The following UPP2 variants were observed in gnomAD, a reference collection of about 807,000 sequenced individuals.
The protein encoded by UPP2 is uridine phosphorylase 2, also known as UPase 2.
A neutral mutation model predicts 26.7 loss-of-function variants in UPP2; 23 were observed. That is an observed-to-expected ratio of 0.86 (90% confidence interval 0.62 to 1.22). The LOEUF (loss-of-function observed/expected upper bound fraction) is 1.22. Ranked by LOEUF, UPP2 falls within the 50% of genes most tolerant of loss-of-function variation. The probability of loss-of-function intolerance (pLI) is 0.00; values close to 1 mark genes in which losing one functional copy is unlikely to be tolerated. For synonymous variants in UPP2, 127 were observed against 141.3 expected, an observed-to-expected ratio of 0.90 and a Z score of 0.72; for missense variants, 387 against 396.7, an observed-to-expected ratio of 0.98 and a Z score of 0.21.
intron 6 of UPP2, among the ~76,000 whole-genome samples, chr2:158,133,217 A>T (rs1396237975): frequency 6.6e-6 from 1 of 152,252 alleles, no homozygotes; most frequent in Non-Finnish European, 1.5e-5. Flanking sequence ...CTCATTTGCA[A>T]CAACATGGAT....
At chr2:158,018,705 T>G (rs935451265) in intron 3 of UPP2, among the ~76,000 whole-genome samples, 4 of 152,200 alleles carry the variant, frequency 2.6e-5, no homozygotes, top group Non-Finnish European at 5.9e-5. Flanking sequence ...CTAGGTAAAC[T>G]TTTAGTGGGA....
chr2:158,042,715 G>T (rs1349603650), intron 3 of UPP2, among the ~76,000 whole-genome samples: 1 of 152,182 alleles, frequency 6.6e-6, no homozygotes, highest in Non-Finnish European at 1.5e-5. Context: ...AGAGAGGAAG[G>T]CCTTTTTGAA....
intron 3 of UPP2, among the ~76,000 whole-genome samples, chr2:158,033,721 A>G (rs1164620500): frequency 6.6e-6 from 1 of 152,204 alleles, no homozygotes; most frequent in Non-Finnish European, 1.5e-5. Flanking sequence ...CACTTTTCCA[A>G]GTAGTTTCTG....
At chr2:158,008,479 A>C (rs1299948462) in intron 2 of UPP2, among the ~76,000 whole-genome samples, 1 of 152,216 alleles carries the variant, frequency 6.6e-6, no homozygotes, top group Non-Finnish European at 1.5e-5. Context: ...GACTTAGGCT[A>C]ACCTTGGAAT....
intron 3 of UPP2, among the ~76,000 whole-genome samples, chr2:158,076,644 A>C (rs1682634859): frequency 6.6e-6 from 1 of 152,092 alleles, no homozygotes; most frequent in Admixed American, 6.6e-5. Context: ...AATTCTCAAA[A>C]AACTGGGTAT....
chr2:158,110,364 A>G (rs1345667115), intron 2 of UPP2, among the ~76,000 whole-genome samples: 1 of 152,024 alleles, frequency 6.6e-6, no homozygotes, highest in East Asian at 1.9e-4. Context: ...ATAGTATTCC[A>G]TGGTGTATTT....
rs147174813 is a variant in UPP2 at position 158,089,486 on chromosome 2, G to A, written c.148-12554G>A. ...GTTTCTGTGCTGTGTCTGCACTCCC[G>A]ATTCAACCACCCCCGACCCCAACTT... On this transcript the variant is annotated intron_variant, in intron 3 of 9. Coordinates refer to the UPP2 transcript ENST00000605860. 5.7e-3 allele frequency among the ~76,000 whole-genome samples: 875 copies of A among 152,286 alleles called. 8 individuals carry two copies. Among genetic ancestry groups the A allele is most frequent in the African/African-American group, 0.02 (835 of 41,566 alleles).
intron 3 of UPP2, among the ~76,000 whole-genome samples, chr2:158,063,318 T>C (rs1476473862): frequency 6.6e-6 from 1 of 152,228 alleles, no homozygotes; most frequent in Non-Finnish European, 1.5e-5. Context: ...AGGAATTCTA[T>C]TTGATTCATT....
At chr2:158,043,775 T>C (rs981149913) in intron 3 of UPP2, among the ~76,000 whole-genome samples, 4 of 152,148 alleles carry the variant, frequency 2.6e-5, no homozygotes, top group African/African-American at 9.7e-5. Context: ...ACACTTGAAA[T>C]TGGAAGCAGT....
intron 6 of UPP2, among the ~76,000 whole-genome samples, chr2:158,128,833 G>T (rs1356382250): frequency 6.6e-6 from 1 of 151,138 alleles, no homozygotes; most frequent in Admixed American, 6.6e-5. Context: ...AACCCTAAGG[G>T]CTGAGCACAT....
intron 3 of UPP2, among the ~76,000 whole-genome samples, chr2:158,054,488 G>A (rs1466593608): frequency 6.6e-6 from 1 of 151,142 alleles, no homozygotes; most frequent in African/African-American, 2.4e-5. Flanking sequence ...CATGGGCTTT[G>A]CATATTGAAA....
intron 2 of UPP2, among the ~76,000 whole-genome samples, chr2:157,996,248 T>C (rs1683322783): frequency 1.3e-5 from 2 of 152,216 alleles, no homozygotes; most frequent in African/African-American, 2.4e-5. Context: ...GCTTTGGCTA[T>C]ATCTTAGCTT....
At chr2:158,021,022 A>C (rs1194174589) in intron 3 of UPP2, among the ~76,000 whole-genome samples, 1 of 152,220 alleles carries the variant, frequency 6.6e-6, no homozygotes, top group Non-Finnish European at 1.5e-5. Flanking sequence ...GGATGGTCTC[A>C]GCCTTTATTG....
chr2:158,018,944 TATAGAC>T (rs1390119777), intron 3 of UPP2, among the ~76,000 whole-genome samples: 3 of 152,086 alleles, frequency 2.0e-5, no homozygotes, highest in African/African-American at 7.2e-5. Context: ...TGAGGGAACT[TATAGAC>T]AGAAGCATGG....
intron 2 of UPP2, among the ~76,000 whole-genome samples, chr2:157,995,660 A>G (rs1683313945): frequency 6.6e-6 from 1 of 152,162 alleles, no homozygotes; most frequent in East Asian, 1.9e-4. Flanking sequence ...AAAATACAAA[A>G]AGAAAGACCC....
chr2:158,090,490 G>C (rs1682893784), intron 3 of UPP2, among the ~76,000 whole-genome samples: 1 of 151,916 alleles, frequency 6.6e-6, no homozygotes, highest in South Asian at 2.1e-4. Context: ...GGCAGAGTGA[G>C]ACTCCGTCTC....
intron 2 of UPP2, among the ~76,000 whole-genome samples, chr2:158,012,746 A>G (rs1232100563): frequency 1.3e-5 from 2 of 152,196 alleles, no homozygotes; most frequent in African/African-American, 4.8e-5. Flanking sequence ...AATACATAGA[A>G]GAAAATATAA....
intron 3 of UPP2, among the ~76,000 whole-genome samples, chr2:158,065,174 A>G (rs1257363450): frequency 6.6e-6 from 1 of 152,206 alleles, no homozygotes; most frequent in Non-Finnish European, 1.5e-5. Flanking sequence ...GATCACTGCC[A>G]GGCATAGCAT....
chr2:158,027,373 G>A (rs374868203), intron 3 of UPP2, among the ~76,000 whole-genome samples: 2 of 152,174 alleles, frequency 1.3e-5, no homozygotes, highest in East Asian at 3.9e-4. Flanking sequence ...ATGCAAGTCC[G>A]AAATCCAGCG....
Sources: gnomAD v4.1 joint callset for allele counts (sites outside exome capture counted in the v4.1 genomes callset) on GRCh38, gnomAD v4.1.1 for gene constraint, MANE v1.5 for transcripts, NCBI Gene and HGNC (gene_info 2026-07-23, HGNC 2026-07-21) for gene names.